The following CLCN1 variants were observed in gnomAD, a reference collection of about 807,000 sequenced individuals.
CLCN1 encodes chloride channel protein 1.
CLCN1 carries 100 observed loss-of-function variants against 114.5 expected under a neutral mutation model. The ratio of observed to expected loss-of-function variants is 0.87; its 90% confidence interval spans 0.74 to 1.03. The LOEUF is 1.03. CLCN1 is among the 50% of genes least tolerant of loss of function. The pLI is 0.00. For missense variants in CLCN1, 1,188 were observed against 1,250.0 expected (o/e 0.95, Z 0.75); for synonymous variants, 485 against 487.1 (o/e 1.00, Z 0.06).
rs1803406966 is a variant in CLCN1 at position 143,351,613 on chromosome 7, G to A, written c.2615G>A (p.Gly872Glu). The A allele has an allele frequency of 6.8e-6, 11 of 1,613,858 alleles. No homozygotes were observed. Among genetic ancestry groups the A allele is most frequent in the Non-Finnish European group, 9.3e-6 (11 of 1,179,986 alleles). The change falls in exon 23 of 23, where the codon GGG becomes GAG. Residue 872 changes from glycine to glutamate, a missense_variant. Coordinates refer to ENST00000343257, the MANE Select transcript of CLCN1 (RefSeq NM_000083.3). ...ALEELQKAIE[G>E]HTKSGVQLRP... ...CTTCAGCTACAGAAGGCCATTGAGG[G>A]GCACACCAAGTCTGGGGTGCAGCTC...
In CLCN1 at chr7:143,339,329, TCTGATGGGAAGCCTGG is replaced by T. The variant is rs780477428; in HGVS notation, c.1471+8_1471+23del. 1.9e-6 allele frequency: 3 copies of T among 1,608,234 alleles called. No homozygotes were observed. The highest frequency in any genetic ancestry group is 2.6e-6 in the Non-Finnish European group (3 of 1,174,598). The stretch of plus-strand genomic sequence containing the variant: ...ATGCCTGTGTTTGTGCTAGGTAAGT[TCTGATGGGAAGCCTGG>T]GGTCTGACTGAGAGTTGCAATCTAG... On this transcript the variant is annotated splice_region_variant and intron_variant, in intron 13 of 22. Coordinates refer to ENST00000343257, the MANE Select transcript of CLCN1 (RefSeq NM_000083.3). The surrounding 1 kb of genome is among the most constrained non-coding windows in gnomAD (Gnocchi z 4.1).
rs1440592160 is a variant in CLCN1, at chr7:143,350,155, G to A, written c.2404-217G>A. On this transcript the variant is annotated intron_variant, in intron 20 of 22. Coordinates refer to ENST00000343257, the MANE Select transcript of CLCN1 (RefSeq NM_000083.3). This position sits in a 1 kb window ranked among gnomAD's most constrained non-coding sequence, Gnocchi z 5.1. The stretch of plus-strand genomic sequence containing the variant: ...GGGAGGGGTGTTCTGGGTACCTGGG[G>A]GTTGCAGGGTAGGTTGGGGGCCTGA... Among the ~76,000 whole-genome samples, 1 of 152,082 alleles carries A rather than the reference G, an allele frequency of 6.6e-6. No individual in the cohort carries two copies. The highest frequency in any genetic ancestry group is 1.5e-5 in the Non-Finnish European group (1 of 68,020).
intron 7 of CLCN1, among the ~76,000 whole-genome samples, chr7:143,325,010 G>A (rs924503453): frequency 6.6e-6 from 1 of 152,186 alleles, no homozygotes; most frequent in Admixed American, 6.5e-5. Flanking sequence ...AGTTTCAAAG[G>A]ATAAATGTCC....
chr7:143,326,008 T>TTTTTTG (rs1554435603), intron 7 of CLCN1, among the ~76,000 whole-genome samples: 2,517 of 152,008 alleles, frequency 0.017, 59 homozygotes, highest in African/African-American at 0.057. Context: ...TACTTGTTTT[T>TTTTTTG]TTTGTTTGTT....
intron 16 of CLCN1, among the ~76,000 whole-genome samples, chr7:143,343,812 C>T (rs1803154811): frequency 6.6e-6 from 1 of 151,342 alleles, no homozygotes; most frequent in African/African-American, 2.4e-5. Flanking sequence ...CTCTTTCCCT[C>T]TCTCTTTCTC....
chr7:143,322,604 C>T (rs1017653763), intron 5 of CLCN1, among the ~76,000 whole-genome samples: 5 of 152,198 alleles, frequency 3.3e-5, no homozygotes, highest in Non-Finnish European at 7.3e-5. Flanking sequence ...CTCACTGCAA[C>T]CTCCACCTCC....
intron 15 of CLCN1, 61 bp downstream of exon 15, chr7:143,342,203 T>G: frequency 1.3e-6 from 2 of 1,555,304 alleles, no homozygotes; most frequent in Non-Finnish European, 1.8e-6. Context: ...GTTCTGAGGC[T>G]GAGACTGAGC....
intron 20 of CLCN1, among the ~76,000 whole-genome samples, chr7:143,347,619 T>TTAA (rs1803286633): frequency 2.4e-5 from 1 of 41,236 alleles, no homozygotes; most frequent in Non-Finnish European, 4.5e-5. Context: ...AGACTTTGCC[T>TTAA]CAAAAAAAAA....
At chr7:143,340,412 A>T (rs1803045656) in intron 14 of CLCN1, among the ~76,000 whole-genome samples, 1 of 152,008 alleles carries the variant, frequency 6.6e-6, no homozygotes, top group African/African-American at 2.4e-5. Flanking sequence ...TTATGTTCTG[A>T]AGTATGTTAT....
intron 7 of CLCN1, among the ~76,000 whole-genome samples, chr7:143,327,640 T>C (rs4568530): frequency 0.86 from 131,134 of 152,102 alleles, 57,229 homozygotes; most frequent in Admixed American, 0.94. Context: ...AAAATTGATA[T>C]AACCTGGTGA....
rs751309154 is a variant in CLCN1 at position 143,332,724 on chromosome 7, T to G, written c.1252T>G (p.Leu418Val). 1.9e-6 allele frequency: 3 copies of G among 1,614,046 alleles called. No individual in the cohort carries two copies. Among genetic ancestry groups the G allele is most frequent in the South Asian group, 1.1e-5 (1 of 91,080 alleles). Residue 418 changes from leucine to valine, a missense_variant and splice_region_variant, in exon 12 of 23, where the codon TTG (leucine) becomes GTG (valine). By Grantham distance (32) the Leu-to-Val change is conservative. Coordinates refer to ENST00000343257, the MANE Select transcript of CLCN1 (RefSeq NM_000083.3). ...CCCTTTCTGCTTCTTCCTCTCCCAG[T>G]TGATGCCCCGCGAAGCCATCAGTAC... ...PGMGQFMAGE[L>V]MPREAISTLF... is the part of the protein sequence containing the mutation.
intron 10 of CLCN1, 141 bp from the exon 11 acceptor site, chr7:143,332,278 G>GT (rs1233354893): frequency 6.3e-6 from 5 of 796,242 alleles, no homozygotes; most frequent in East Asian, 5.0e-5. Context: ...TCAAATATTG[G>GT]TTTTTTGTGT....
chr7:143,344,253 T>C (rs935407119), intron 16 of CLCN1, among the ~76,000 whole-genome samples: 2 of 152,248 alleles, frequency 1.3e-5, no homozygotes, highest in Non-Finnish European at 2.9e-5. Context: ...CTTATTGTGG[T>C]TTATATATCT....
intron 1 of CLCN1, among the ~76,000 whole-genome samples, chr7:143,318,935 C>T (rs901645236): frequency 2.0e-5 from 3 of 152,204 alleles, no homozygotes; most frequent in Admixed American, 6.5e-5. Context: ...TACTCAGGCT[C>T]TCCCAGAATC....
In CLCN1 at chr7:143,321,607, C is replaced by A; in HGVS notation, c.563-108C>A. On this transcript the variant is annotated intron_variant, in intron 4 of 22. Transcript: ENST00000343257. The surrounding 1 kb of genome is among the most constrained non-coding windows in gnomAD (Gnocchi z 4.2). ...CCTGTGCTGCCTTGCCCCATCCTCCCCACCACTGCCTCTTCAGCCCTCTCC... is the reference window on the plus strand; with the variant it reads ...CCTGTGCTGCCTTGCCCCATCCTCCACACCACTGCCTCTTCAGCCCTCTCC... 6.2e-7 allele frequency: 1 copy of A among 1,603,938 alleles called. No individual in the cohort carries two copies. Among genetic ancestry groups the A allele is most frequent in the Admixed American group, 1.7e-5 (1 of 59,996 alleles).
At chr7:143,331,760 A>G in intron 10 of CLCN1, 108 bp downstream of exon 10, 2 of 772,006 alleles carry the variant, frequency 2.6e-6, no homozygotes, top group Non-Finnish European at 4.7e-6. Flanking sequence ...GGTGGCTTGC[A>G]TTAAAATATA....
At position 143,329,502 on chromosome 7, in the gene CLCN1, C is replaced by G. The variant is rs556374305; in HGVS notation, c.854-1270C>G. Reference sequence around the variant, plus strand: ...ATTTGGGAGTAACCATTAGGCCACCCTCCCCCTGGTGCAAATGACCTGATG... The same window carrying G: ...ATTTGGGAGTAACCATTAGGCCACCGTCCCCCTGGTGCAAATGACCTGATG... On this transcript the variant is annotated intron_variant, in intron 7 of 22. Transcript: ENST00000343257. Among the ~76,000 whole-genome samples the G allele has an allele frequency of 2.6e-5, 4 of 152,290 alleles. No individual in the cohort carries two copies. In the South Asian group the frequency reaches 8.3e-4, roughly 32 times the overall value.
In CLCN1 at chr7:143,346,122, T is replaced by G; in HGVS notation, c.2173-18T>G. ...CAGTCTCTGCTCCCAGGCTGAGACTTCTTACTCTTCCTTACAGCTTCCTCC... is the reference window on the plus strand; with the variant it reads ...CAGTCTCTGCTCCCAGGCTGAGACTGCTTACTCTTCCTTACAGCTTCCTCC... On this transcript the variant is annotated intron_variant, in intron 17 of 22. Transcript: ENST00000343257. 6.6e-7 allele frequency: 1 copy of G among 1,513,808 alleles called. No homozygotes were observed. Among genetic ancestry groups the G allele is most frequent in the Non-Finnish European group, 9.2e-7 (1 of 1,088,878 alleles). The allele number at this position is 1,513,808 out of a possible 1,614,324, so 93.8% of individuals were successfully genotyped here.
chr7:143,320,867 C>G lies in CLCN1; in HGVS notation c.433+72C>G, dbSNP rs7800971. 0.41 allele frequency: 641,512 copies of G among 1,575,774 alleles called. 136,426 individuals are homozygous for G. The highest frequency in any genetic ancestry group is 0.63 in the African/African-American group (46,619 of 73,988). ...ACCTAGGGTAAGCAGGGTGTGTTAT[C>G]GGAAGCGAATGTTAAGCAGGGTGTG... On this transcript the variant is annotated intron_variant, in intron 3 of 22. Transcript: ENST00000343257.
Sources: gnomAD v4.1 joint callset for allele counts (sites outside exome capture counted in the v4.1 genomes callset) on GRCh38, gnomAD v4.1.1 for gene constraint, Gnocchi (gnomAD v3.1) non-coding constraint, MANE v1.5 for transcripts, NCBI Gene and HGNC (gene_info 2026-07-23, HGNC 2026-07-21) for gene names.